GLI3: variants seen among roughly 807,000 people sequenced by gnomAD.
The protein encoded by GLI3 is transcription activator GLI3.
In GLI3, 20 loss-of-function variants were observed where a neutral mutation model predicts 100.8. The observed-to-expected ratio is 0.20, with a 90% CI of 0.14 to 0.29. GLI3 has a LOEUF of 0.29. Among genes scored for constraint, GLI3 ranks in the 10% least tolerant of loss-of-function variants. GLI3 has a pLI of 1.00. For synonymous variants in GLI3, 938 were observed against 860.5 expected, an observed-to-expected ratio of 1.09 and a Z score of -1.58; for missense variants, 2,040 against 2,128.5, an observed-to-expected ratio of 0.96 and a Z score of 0.82.
intron 2 of GLI3, among the ~76,000 whole-genome samples, chr7:42,185,899 G>T (rs1787707924): frequency 6.6e-6 from 1 of 152,160 alleles, no homozygotes; most frequent in African/African-American, 2.4e-5. Context: ...CATGTGCTAG[G>T]CTCCCTCTTT....
intron 4 of GLI3, among the ~76,000 whole-genome samples, chr7:42,067,940 T>A (rs1562712559): frequency 6.6e-6 from 1 of 152,224 alleles, no homozygotes; most frequent in Non-Finnish European, 1.5e-5. Context: ...CATAAGAAAA[T>A]TTTAAATATC....
At chr7:42,194,305 G>C (rs1787883660) in intron 2 of GLI3, among the ~76,000 whole-genome samples, 1 of 152,136 alleles carries the variant, frequency 6.6e-6, no homozygotes, top group Non-Finnish European at 1.5e-5. Context: ...AAAGGACAGG[G>C]CCAAACTTTA....
intron 3 of GLI3, among the ~76,000 whole-genome samples, chr7:42,081,424 C>A (rs1205852209): frequency 6.6e-6 from 1 of 152,110 alleles, no homozygotes; most frequent in Non-Finnish European, 1.5e-5. Context: ...GGTCTTTAAA[C>A]CCTATAAATA....
At chr7:42,253,902 G>T (rs945135961) in intron 1 of GLI3, among the ~76,000 whole-genome samples, 1 of 152,088 alleles carries the variant, frequency 6.6e-6, no homozygotes, top group Non-Finnish European at 1.5e-5. Flanking sequence ...AGGCAAAGGC[G>T]AGTCACTGAA....
In GLI3 at chr7:42,092,164, C is replaced by T. The variant is rs77680925; in HGVS notation, c.368-15307G>A. Among the ~76,000 whole-genome samples, 1,022 of 152,362 alleles carry T rather than the reference C, an allele frequency of 6.7e-3. 7 individuals are homozygous for T. The highest frequency in any genetic ancestry group is 0.023 in the African/African-American group (954 of 41,574). On this transcript the variant is annotated intron_variant, in intron 3 of 14. Coordinates refer to ENST00000395925, the MANE Select transcript of GLI3 (RefSeq NM_000168.6). ...GCCAAGGACCCTGGAGGATTATCCA[C>T]ACCACCCGTGCAGGAGAAGGCAGAG...
intron 2 of GLI3, among the ~76,000 whole-genome samples, chr7:42,182,686 A>ATG (rs1491400279): frequency 4.2e-4 from 42 of 99,910 alleles, no homozygotes; most frequent in South Asian, 3.1e-3. Context: ...ATATATACAC[A>ATG]TGTGTGTATA....
chr7:42,182,800 T>G (rs1401881915), intron 2 of GLI3, among the ~76,000 whole-genome samples: 1 of 150,334 alleles, frequency 6.7e-6, no homozygotes, highest in Non-Finnish European at 1.5e-5. Context: ...TGGCCAGGCG[T>G]GATGGCTCAT....
chr7:42,179,040 AT>A lies in GLI3; in HGVS notation c.125-30573del, dbSNP rs573875589. ...ATGGTTTGGCTGTGTCTCCACCTAA[AT>A]CTCATCTTGAATTCCCATGTGTTGT... On this transcript the variant is annotated intron_variant, in intron 2 of 14. Coordinates refer to ENST00000395925, the MANE Select transcript of GLI3 (RefSeq NM_000168.6). 4.1e-3 allele frequency among the ~76,000 whole-genome samples: 621 copies of A among 152,206 alleles called. 2 individuals carry two copies. Among genetic ancestry groups the A allele is most frequent in the Non-Finnish European group, 5.7e-3 (387 of 67,986 alleles).
At chr7:42,075,581 T>C (rs776775694) in intron 4 of GLI3, among the ~76,000 whole-genome samples, 2 of 152,240 alleles carry the variant, frequency 1.3e-5, no homozygotes, top group African/African-American at 2.4e-5. Flanking sequence ...AAATACTTAC[T>C]TGTGTTCCAG....
At chr7:42,066,969 T>A (rs1784687669) in intron 4 of GLI3, among the ~76,000 whole-genome samples, 1 of 152,150 alleles carries the variant, frequency 6.6e-6, no homozygotes. Flanking sequence ...CTTAGAGTGC[T>A]ACAAGGAACA....
intron 3 of GLI3, among the ~76,000 whole-genome samples, chr7:42,114,067 C>A (rs1186979813): frequency 6.6e-6 from 1 of 152,234 alleles, no homozygotes; most frequent in Non-Finnish European, 1.5e-5. Flanking sequence ...GTCACACAAT[C>A]TGGACTTTCC....
chr7:42,235,143 T>C (rs920895526), intron 1 of GLI3, among the ~76,000 whole-genome samples: 2 of 152,224 alleles, frequency 1.3e-5, no homozygotes, highest in African/African-American at 4.8e-5. Flanking sequence ...ATTTTCCTCC[T>C]TCAAAAGAAT....
chr7:41,993,155 A>G (rs1441757207), intron 10 of GLI3, among the ~76,000 whole-genome samples: 1 of 152,108 alleles, frequency 6.6e-6, no homozygotes, highest in Non-Finnish European at 1.5e-5. Context: ...GCAAGAAAAA[A>G]GGTGGAGTGA....
At chr7:42,184,948 T>C (rs1271929565) in intron 2 of GLI3, among the ~76,000 whole-genome samples, 1 of 152,144 alleles carries the variant, frequency 6.6e-6, no homozygotes, top group African/African-American at 2.4e-5. Context: ...CCCAGATGCC[T>C]GTCTTGAGGG....
At chr7:42,244,543 G>A (rs1340292531) in intron 1 of GLI3, among the ~76,000 whole-genome samples, 1 of 152,142 alleles carries the variant, frequency 6.6e-6, no homozygotes, top group South Asian at 2.1e-4. Context: ...AGCAACTACA[G>A]TCAGACTTCA....
At chr7:42,038,810 A>G (rs1239298166) in intron 7 of GLI3, among the ~76,000 whole-genome samples, 1 of 152,248 alleles carries the variant, frequency 6.6e-6, no homozygotes, top group Non-Finnish European at 1.5e-5. Flanking sequence ...GAAAGACAAC[A>G]GTATTCATTA....
rs996088125 is a variant in GLI3, at chr7:42,182,752, AT to A, written c.125-34285del. On this transcript the variant is annotated intron_variant, in intron 2 of 14. Coordinates refer to ENST00000395925, the MANE Select transcript of GLI3 (RefSeq NM_000168.6). ...CACACACACACACACACACAGAGGAATTTTTTTGGCAAACAAGAGTCCCAAA... is the reference window on the plus strand; with the variant it reads ...CACACACACACACACACACAGAGGAATTTTTTGGCAAACAAGAGTCCCAAA... Among the ~76,000 whole-genome samples the A allele has an allele frequency of 7.0e-5, 10 of 142,434 alleles. No homozygotes were observed. In the South Asian group the frequency reaches 2.2e-3, roughly 31 times the overall value. 93.4% of individuals were successfully genotyped at this position (142,434 alleles called of 152,430 possible).
chr7:42,130,556 G>A (rs879732016), intron 3 of GLI3, among the ~76,000 whole-genome samples: 1 of 152,082 alleles, frequency 6.6e-6, no homozygotes, highest in Non-Finnish European at 1.5e-5. Flanking sequence ...GAAAAATGAA[G>A]TCAAGGAAAT....
intron 2 of GLI3, chr7:42,152,352 C>T: frequency 1.0e-6 from 1 of 976,250 alleles, no homozygotes; most frequent in Non-Finnish European, 1.2e-6. Context: ...ACAATACTTA[C>T]AACACAGTCC....
Sources: allele counts gnomAD v4.1 joint callset (sites outside exome capture counted in the v4.1 genomes callset), GRCh38; gene constraint gnomAD v4.1.1; transcripts MANE v1.5; gene names NCBI Gene and HGNC (gene_info 2026-07-23, HGNC 2026-07-21).